Variants in PCDH9 observed in about 807,000 individuals in gnomAD.
PCDH9 encodes the protein protocadherin-9.
A neutral mutation model predicts 70.6 loss-of-function variants in PCDH9; 24 were observed. The observed-to-expected ratio is 0.34, with a 90% CI of 0.25 to 0.48. PCDH9 has a LOEUF of 0.48. Among genes scored for constraint, PCDH9 ranks in the 20% least tolerant of loss-of-function variants. The pLI is 0.99. For synonymous variants in PCDH9, 562 were observed against 558.5 expected (o/e 1.01, Z -0.09); for missense variants, 1,281 against 1,503.6 (o/e 0.85, Z 2.45).
intron 2 of PCDH9, among the ~76,000 whole-genome samples, chr13:67,002,430 T>C: frequency 6.6e-6 from 1 of 151,968 alleles, no homozygotes; most frequent in East Asian, 1.9e-4. Context: ...ACTGTTAGAA[T>C]GGTAATCAAA....
intron 4 of PCDH9, among the ~76,000 whole-genome samples, chr13:66,316,424 T>A (rs868204083): frequency 6.6e-5 from 10 of 152,212 alleles, no homozygotes; most frequent in Middle Eastern, 3.2e-3. Flanking sequence ...CTCCTTTCCA[T>A]GGCCTAGAGA....
chr13:66,966,986 A>G (rs1023961523), intron 2 of PCDH9, among the ~76,000 whole-genome samples: 2 of 152,114 alleles, frequency 1.3e-5, no homozygotes, highest in Non-Finnish European at 2.9e-5. Flanking sequence ...ATGAATAAAT[A>G]AACATATCAA....
chr13:67,069,742 G>T (rs924256566), intron 2 of PCDH9, among the ~76,000 whole-genome samples: 1 of 152,184 alleles, frequency 6.6e-6, no homozygotes, highest in African/African-American at 2.4e-5. Flanking sequence ...GAGGAAATTT[G>T]CTCTAATTAA....
intron 2 of PCDH9, among the ~76,000 whole-genome samples, chr13:67,030,687 C>T (rs909828355): frequency 8.5e-5 from 13 of 152,238 alleles, no homozygotes; most frequent in African/African-American, 3.1e-4. Context: ...AAGAGATTTG[C>T]TTTCTATATC....
intron 3 of PCDH9, among the ~76,000 whole-genome samples, chr13:66,828,122 G>T (rs1416807716): frequency 6.6e-6 from 1 of 151,936 alleles, no homozygotes; most frequent in Non-Finnish European, 1.5e-5. Flanking sequence ...CAAAATAAAA[G>T]AAAAACACAG....
rs1024666983 is a variant in PCDH9, at chr13:66,822,540, T to C, written c.3138+80964A>G. On this transcript the variant is annotated intron_variant, in intron 3 of 4. Coordinates refer to ENST00000377865, the MANE Select transcript of PCDH9 (RefSeq NM_203487.3). ...TGAGACGGAGTCTTGCTCTGTCACC[T>C]AGGCTGGAGGGAGTCTTGCTCTGTC... Among the ~76,000 whole-genome samples, 12 of 141,222 alleles carry C rather than the reference T, an allele frequency of 8.5e-5. No individual in the cohort carries two copies. In the East Asian group the frequency reaches 2.7e-3, roughly 32 times the overall value. 92.6% of individuals were successfully genotyped at this position (141,222 alleles called of 152,430 possible).
At chr13:66,806,226 A>AT (rs1259270500) in intron 3 of PCDH9, among the ~76,000 whole-genome samples, 3 of 152,174 alleles carry the variant, frequency 2.0e-5, no homozygotes, top group Non-Finnish European at 2.9e-5. Context: ...ATTTGATTTA[A>AT]TTTTTTTCTT....
intron 3 of PCDH9, among the ~76,000 whole-genome samples, chr13:66,764,700 C>A (rs2079683565): frequency 6.6e-6 from 1 of 151,938 alleles, no homozygotes; most frequent in Non-Finnish European, 1.5e-5. Context: ...CAGCGTTATA[C>A]AAATTAAGTA....
chr13:66,617,601 G>A (rs563632105), intron 4 of PCDH9, among the ~76,000 whole-genome samples: 6 of 152,174 alleles, frequency 3.9e-5, no homozygotes, highest in East Asian at 3.9e-4. Context: ...CCAACATGCC[G>A]GCAAAACAGT....
At chr13:66,928,111 T>C (rs1302892629) in intron 2 of PCDH9, among the ~76,000 whole-genome samples, 1 of 152,096 alleles carries the variant, frequency 6.6e-6, no homozygotes, top group Non-Finnish European at 1.5e-5. Context: ...AACACTATAC[T>C]GGGTGTCACG....
intron 4 of PCDH9, among the ~76,000 whole-genome samples, chr13:66,592,593 T>A (rs2077052081): frequency 6.6e-6 from 1 of 151,796 alleles, no homozygotes; most frequent in African/African-American, 2.4e-5. Context: ...AGAAGAAACA[T>A]TCCATGAATT....
intron 3 of PCDH9, among the ~76,000 whole-genome samples, chr13:66,669,181 C>A (rs2078138618): frequency 6.6e-6 from 1 of 152,072 alleles, no homozygotes. Context: ...AAATTTAGTT[C>A]CTAATTGGTC....
At chr13:66,534,335 T>C (rs1387607721) in intron 4 of PCDH9, among the ~76,000 whole-genome samples, 1 of 152,124 alleles carries the variant, frequency 6.6e-6, no homozygotes, top group Non-Finnish European at 1.5e-5. Flanking sequence ...TATAAACAAC[T>C]GAAATTTATT....
chr13:66,574,292 C>T (rs924786210), intron 4 of PCDH9, among the ~76,000 whole-genome samples: 2 of 152,148 alleles, frequency 1.3e-5, no homozygotes, highest in Non-Finnish European at 2.9e-5. Context: ...CTTCAGTCTC[C>T]TCAAATCTGT....
Position 66,523,569 on chromosome 13 carries a change from T to C in PCDH9, c.3340+107641A>G, listed in dbSNP as rs534733407. The stretch of plus-strand genomic sequence containing the variant: ...ATATATATATTCACACATATACATA[T>C]ACACACACACACACATATGTACACA... On this transcript the variant is annotated intron_variant, in intron 4 of 4. Transcript: ENST00000377865. 4.6e-5 allele frequency among the ~76,000 whole-genome samples: 7 copies of C among 151,144 alleles called. No individual in the cohort carries two copies. The East Asian group carries it at 5.8e-4, about 13-fold the overall frequency.
At chr13:67,136,751 A>T (rs2087242328) in intron 2 of PCDH9, among the ~76,000 whole-genome samples, 1 of 124,774 alleles carries the variant, frequency 8.0e-6, no homozygotes, top group African/African-American at 3.0e-5. Flanking sequence ...AAATTTTACA[A>T]ATGTTAGTTA....
chr13:66,578,785 T>C (rs1243077018), intron 4 of PCDH9, among the ~76,000 whole-genome samples: 4 of 152,100 alleles, frequency 2.6e-5, no homozygotes, highest in Admixed American at 1.3e-4. Context: ...TAATGACACA[T>C]AATATGAGCT....
chr13:66,512,697 C>T (rs1453410214), intron 4 of PCDH9, among the ~76,000 whole-genome samples: 4 of 152,160 alleles, frequency 2.6e-5, no homozygotes, highest in Non-Finnish European at 5.9e-5. Context: ...AAAATTATTT[C>T]ATATTGTATA....
intron 4 of PCDH9, among the ~76,000 whole-genome samples, chr13:66,412,744 G>A (rs1026261500): frequency 7.9e-5 from 12 of 151,984 alleles, no homozygotes; most frequent in Non-Finnish European, 1.5e-4. Flanking sequence ...ACCTTTAGTC[G>A]CTTGTATTTA....
Sources: allele counts gnomAD v4.1 joint callset (sites outside exome capture counted in the v4.1 genomes callset), GRCh38; gene constraint gnomAD v4.1.1; transcripts MANE v1.5; gene names NCBI Gene and HGNC (gene_info 2026-07-23, HGNC 2026-07-21).